TOX3: variants seen among roughly 807,000 people sequenced by gnomAD.
The protein encoded by TOX3 is CAG trinucleotide repeat-containing gene F9 protein.
A neutral mutation model predicts 64.3 loss-of-function variants in TOX3; 22 were observed. The observed-to-expected ratio is 0.34, with a 90% CI of 0.24 to 0.49. The LOEUF is 0.49. Among genes scored for constraint, TOX3 ranks in the 20% least tolerant of loss-of-function variants. The pLI, the probability that TOX3 is intolerant of heterozygous loss-of-function variation, is 0.99. For synonymous variants in TOX3, 291 were observed against 273.6 expected (o/e 1.06, Z -0.63); for missense variants, 661 against 714.4 (o/e 0.93, Z 0.85).
chr16:52,438,983 G>T lies in TOX3; in HGVS notation c.*242C>A. The stretch of plus-strand genomic sequence containing the variant: ...AGGTATAGCCTGAATAAATAAAAAA[G>T]GCATCACATAAAAGAGCACAGCTTT... On this transcript the variant is annotated 3_prime_UTR_variant, in exon 7 of 7. Transcript: ENST00000219746. 1.5e-6 allele frequency: 1 copy of T among 683,942 alleles called. No individual in the cohort carries two copies. Among genetic ancestry groups the T allele is most frequent in the South Asian group, 1.4e-5 (1 of 71,724 alleles). The allele number at this position is 683,942 out of a possible 1,614,324, so 42.4% of individuals were successfully genotyped here.
chr16:52,467,810 G>A (rs1010182328), intron 2 of TOX3, among the ~76,000 whole-genome samples: 1 of 152,188 alleles, frequency 6.6e-6, no homozygotes, highest in Non-Finnish European at 1.5e-5. Flanking sequence ...GCAGCAAGAA[G>A]ATGATGCTTG....
At chr16:52,465,875 T>C (rs965152697) in intron 2 of TOX3, among the ~76,000 whole-genome samples, 2 of 152,182 alleles carry the variant, frequency 1.3e-5, no homozygotes, top group African/African-American at 4.8e-5. Context: ...CAAAACATCG[T>C]AGCAGAATAA....
intron 1 of TOX3, among the ~76,000 whole-genome samples, chr16:52,484,567 T>C (rs1961456884): frequency 6.6e-6 from 1 of 152,192 alleles, no homozygotes; most frequent in Non-Finnish European, 1.5e-5. Flanking sequence ...TGTTGATTCA[T>C]TTACTCATTC....
intron 2 of TOX3, among the ~76,000 whole-genome samples, chr16:52,464,513 A>G (rs977888098): frequency 6.6e-6 from 1 of 152,184 alleles, no homozygotes; most frequent in African/African-American, 2.4e-5. Context: ...TATGTTAGTG[A>G]AACAGCTCAA....
intron 1 of TOX3, among the ~76,000 whole-genome samples, chr16:52,474,004 C>A (rs1217022565): frequency 6.6e-6 from 1 of 152,094 alleles, no homozygotes. Context: ...GATGAGGATC[C>A]CCTGAGCACC....
In TOX3 at chr16:52,439,143, A is replaced by G; in HGVS notation, c.*82T>C. On this transcript the variant is annotated 3_prime_UTR_variant, in exon 7 of 7. Coordinates refer to ENST00000219746, the MANE Select transcript of TOX3 (RefSeq NM_001080430.4). ...ACACATTTCTGCATAACCAACACCAACTTACAGGTTTCAGCCACATATGCT... is the reference window on the plus strand; with the variant it reads ...ACACATTTCTGCATAACCAACACCAGCTTACAGGTTTCAGCCACATATGCT... The G allele has an allele frequency of 6.3e-7, 1 of 1,589,348 alleles. No homozygotes were observed. Among genetic ancestry groups the G allele is most frequent in the South Asian group, 1.1e-5 (1 of 87,014 alleles).
chr16:52,475,557 G>A (rs1961183193), intron 1 of TOX3: 1 of 152,194 alleles, frequency 6.6e-6, no homozygotes, highest in Admixed American at 6.5e-5. Context: ...AGGTGGATGG[G>A]GGTTGGGTGC....
chr16:52,536,654 T>G (rs1401290487), intron 1 of TOX3, among the ~76,000 whole-genome samples: 2 of 120,220 alleles, frequency 1.7e-5, no homozygotes, highest in Non-Finnish European at 3.4e-5. Flanking sequence ...TATATATATA[T>G]ATATATATAT....
intron 3 of TOX3, among the ~76,000 whole-genome samples, chr16:52,451,879 C>T (rs1049691521): frequency 3.9e-5 from 6 of 152,140 alleles, no homozygotes; most frequent in Non-Finnish European, 8.8e-5. Context: ...GCTCTCTTGA[C>T]ATTTTGGACC....
At chr16:52,473,884 A>C (rs370253350) in intron 1 of TOX3, among the ~76,000 whole-genome samples, 1 of 152,216 alleles carries the variant, frequency 6.6e-6, no homozygotes, top group African/African-American at 2.4e-5. Context: ...TTATGTATAC[A>C]CACAAGCATA....
At chr16:52,510,653 C>T (rs1019968496) in intron 1 of TOX3, among the ~76,000 whole-genome samples, 2 of 148,958 alleles carry the variant, frequency 1.3e-5, no homozygotes, top group African/African-American at 2.5e-5. Flanking sequence ...CTGCTTGGGG[C>T]GCTGAGGCAG....
At chr16:52,514,618 T>C (rs751535388) in intron 1 of TOX3, among the ~76,000 whole-genome samples, 1 of 152,102 alleles carries the variant, frequency 6.6e-6, no homozygotes, top group South Asian at 2.1e-4. Context: ...GATCAGTAGG[T>C]CAAGAATCTA....
rs777595370 is a variant in TOX3 at position 52,439,270 on chromosome 16, CTG to C, written c.1684_1685del (p.Gln562ValfsTer39). 6.2e-7 allele frequency: 1 copy of C among 1,613,914 alleles called. No individual in the cohort carries two copies. The highest frequency in any genetic ancestry group is 1.7e-5 in the Admixed American group (1 of 60,020). On this transcript the variant is annotated frameshift_variant, in exon 7 of 7. Transcript: ENST00000219746. LOFTEE classifies it high-confidence loss of function. The part of the protein sequence containing the change: ...PASQQHQSQI[Q>X]SQTQTQVLSQ... ...ATAATACTTGAGTCTGTGTCTGAGA[CTG>C]TATTTGCGACTGGTGCTGCTGAGAG...
At chr16:52,514,899 T>C (rs1257196904) in intron 1 of TOX3, among the ~76,000 whole-genome samples, 2 of 149,918 alleles carry the variant, frequency 1.3e-5, no homozygotes, top group Non-Finnish European at 3.0e-5. Flanking sequence ...TAGTCCCAGC[T>C]ACTTGGGAGG....
intron 1 of TOX3, among the ~76,000 whole-genome samples, chr16:52,485,902 G>A (rs528297151): frequency 5.0e-4 from 76 of 152,248 alleles, no homozygotes; most frequent in African/African-American, 1.8e-3. Flanking sequence ...CATCAAGGAA[G>A]CTTCTAGGTT....
chr16:52,490,978 T>C (rs2151457338), intron 1 of TOX3, among the ~76,000 whole-genome samples: 1 of 152,260 alleles, frequency 6.6e-6, no homozygotes, highest in East Asian at 1.9e-4. Context: ...AAAGCGTAAT[T>C]TACCTAATTG....
At chr16:52,520,143 C>A (rs45618336) in intron 1 of TOX3, among the ~76,000 whole-genome samples, 5,828 of 152,142 alleles carry the variant, frequency 0.038, 196 homozygotes, top group South Asian at 0.15. Flanking sequence ...ACATAAAAAT[C>A]AGATCCATAA....
At chr16:52,468,630 T>A in intron 1 of TOX3, 56 bp from the exon 2 acceptor site, 1 of 1,397,108 alleles carries the variant, frequency 7.2e-7, no homozygotes, top group Non-Finnish European at 1.0e-6. Context: ...GCATTCTGGC[T>A]GTGATTTGGA....
chr16:52,535,163 A>G (rs966344284), intron 1 of TOX3, among the ~76,000 whole-genome samples: 10 of 152,224 alleles, frequency 6.6e-5, no homozygotes, highest in African/African-American at 2.4e-4. Context: ...GAGATACCCA[A>G]GAAGGGTTTC....
Sources: allele counts gnomAD v4.1 joint callset (sites outside exome capture counted in the v4.1 genomes callset), GRCh38; gene constraint gnomAD v4.1.1; transcripts MANE v1.5; gene names NCBI Gene and HGNC (gene_info 2026-07-23, HGNC 2026-07-21).